GRM4: variants seen among roughly 807,000 people sequenced by gnomAD.
GRM4 encodes metabotropic glutamate receptor 4.
In GRM4, 28 loss-of-function variants were observed where a neutral mutation model predicts 81.7. The observed-to-expected ratio is 0.34, with a 90% CI of 0.25 to 0.47. The LOEUF (loss-of-function observed/expected upper bound fraction) is 0.47, where lower values mean the gene tolerates loss of function less well. Ranked by LOEUF, GRM4 falls within the 20% of genes least tolerant of loss-of-function variation. The probability of loss-of-function intolerance (pLI) is 1.00; values close to 1 mark genes in which losing one functional copy is unlikely to be tolerated. For missense variants in GRM4, 948 were observed against 1,290.0 expected (o/e 0.73, Z 4.06); for synonymous variants, 488 against 528.8 (o/e 0.92, Z 1.06).
chr6:34,036,982 G>A lies in GRM4; in HGVS notation c.1507-379C>T, dbSNP rs1311720717. 6.6e-6 allele frequency among the ~76,000 whole-genome samples: 1 copy of A among 152,160 alleles called. No homozygotes were observed. The highest frequency in any genetic ancestry group is 1.5e-5 in the Non-Finnish European group (1 of 68,026). On this transcript the variant is annotated intron_variant, in intron 8 of 10. Coordinates refer to ENST00000538487, the MANE Select transcript of GRM4 (RefSeq NM_000841.4). The surrounding 1 kb of genome is among the most constrained non-coding windows in gnomAD (Gnocchi z 9.0). ...CCTTGCTGCTCACAGTGGTCCCCAG[G>A]GCGGCAGCAGCAGCCTCACCCAGGA...
At position 34,086,536 on chromosome 6, in the gene GRM4, A is replaced by G. The variant is rs144897772; in HGVS notation, c.736+5347T>C. Among the ~76,000 whole-genome samples, 820 of 152,316 alleles carry G rather than the reference A, an allele frequency of 5.4e-3. 5 individuals are homozygous for G. The highest frequency in any genetic ancestry group is 0.019 in the African/African-American group (782 of 41,566). The stretch of plus-strand genomic sequence containing the variant: ...CCTTCCTGCCACACTCAGAGAGGCC[A>G]TCTTGTTTCCACCCTTAAGGCACAG... On this transcript the variant is annotated intron_variant, in intron 3 of 10. Coordinates refer to ENST00000538487, the MANE Select transcript of GRM4 (RefSeq NM_000841.4).
upstream of GRM4, among the ~76,000 whole-genome samples, chr6:34,150,984 G>T (rs1005110486): frequency 6.6e-6 from 1 of 152,206 alleles, no homozygotes; most frequent in Non-Finnish European, 1.5e-5. Context: ...AGCAGAGGAC[G>T]CAGGCACAGG....
At chr6:34,095,190 T>C (rs1581689298) in intron 2 of GRM4, among the ~76,000 whole-genome samples, 1 of 152,106 alleles carries the variant, frequency 6.6e-6, no homozygotes, top group East Asian at 1.9e-4. Flanking sequence ...CCCCCAATAA[T>C]TCCTGAGACA....
intron 2 of GRM4, among the ~76,000 whole-genome samples, chr6:34,094,467 G>T (rs1330699656): frequency 2.0e-5 from 3 of 152,200 alleles, no homozygotes; most frequent in Non-Finnish European, 4.4e-5. Flanking sequence ...TCTAAAATGT[G>T]AGCTCGGATT....
At chr6:34,049,650 C>A (rs1325545989) in intron 6 of GRM4, among the ~76,000 whole-genome samples, 8 of 152,146 alleles carry the variant, frequency 5.3e-5, no homozygotes, top group Non-Finnish European at 1.2e-4. Context: ...GCCTGCTCCT[C>A]CTCCCGCCCA....
At chr6:34,106,484 A>T (rs913690326) in intron 2 of GRM4, among the ~76,000 whole-genome samples, 3 of 151,162 alleles carry the variant, frequency 2.0e-5, no homozygotes, top group African/African-American at 4.9e-5. Context: ...ACAGCTTTCA[A>T]TGGCTCCCAA....
chr6:34,039,838 C>T (rs1764911509), intron 8 of GRM4, among the ~76,000 whole-genome samples: 1 of 151,458 alleles, frequency 6.6e-6, no homozygotes, highest in Non-Finnish European at 1.5e-5. Flanking sequence ...CCCCACTTGC[C>T]CACCCAAAAA....
rs751124071 is a variant in GRM4 at position 34,133,248 on chromosome 6, C to G, written c.249G>C (p.Leu83=). The G allele has an allele frequency of 1.2e-6, 2 of 1,614,100 alleles. No homozygotes were observed. The highest frequency in any genetic ancestry group is 1.7e-6 in the Non-Finnish European group (2 of 1,180,040). ...EKGIHRLEAM[L]FALDRINNDP... The stretch of plus-strand genomic sequence containing the variant: ...CGTTGTTGATGCGATCCAGGGCGAA[C>G]AGCATGGCCTCCAGCCGGTGGATGC... Residue 83 remains leucine, a synonymous_variant, in exon 2 of 11, where the codon CTG becomes CTC. Coordinates refer to ENST00000538487, the MANE Select transcript of GRM4 (RefSeq NM_000841.4). The surrounding 1 kb of genome is among the most constrained non-coding windows in gnomAD (Gnocchi z 6.5).
intron 2 of GRM4, among the ~76,000 whole-genome samples, chr6:34,098,539 C>T (rs1446228768): frequency 1.3e-5 from 2 of 152,254 alleles, no homozygotes; most frequent in Non-Finnish European, 2.9e-5. Flanking sequence ...AAGATCCCCA[C>T]CTGCCTGGCG....
At chr6:34,122,738 G>A (rs1480750707) in intron 2 of GRM4, among the ~76,000 whole-genome samples, 1 of 151,936 alleles carries the variant, frequency 6.6e-6, no homozygotes, top group Non-Finnish European at 1.5e-5. Flanking sequence ...TTGTCTGTCT[G>A]TCTGTCTGTC....
At chr6:34,134,357 C>T (rs954904091) in intron 1 of GRM4, among the ~76,000 whole-genome samples, 1 of 152,200 alleles carries the variant, frequency 6.6e-6, no homozygotes, top group Non-Finnish European at 1.5e-5. Context: ...TTCCTGCTGT[C>T]AGCTCTGGAA....
At chr6:34,154,700 G>T (rs2127522382) in intron 1 of GRM4, among the ~76,000 whole-genome samples, 1 of 152,250 alleles carries the variant, frequency 6.6e-6, no homozygotes, top group South Asian at 2.1e-4. Flanking sequence ...AGACAGACAC[G>T]TGGGGGGGAG....
intron 1 of GRM4, among the ~76,000 whole-genome samples, chr6:34,135,282 C>T (rs536516954): frequency 9.3e-4 from 141 of 152,334 alleles, no homozygotes; most frequent in Admixed American, 2.0e-3. Flanking sequence ...AGAGTCCAGC[C>T]TCAGCTCCTG....
intron 1 of GRM4, among the ~76,000 whole-genome samples, chr6:34,154,846 G>A (rs960423334): frequency 6.6e-6 from 1 of 152,212 alleles, no homozygotes; most frequent in Non-Finnish European, 1.5e-5. Flanking sequence ...TGAGAAGAAC[G>A]TGAGGAGCCT....
chr6:34,120,540 T>C (rs1350531968), intron 2 of GRM4, among the ~76,000 whole-genome samples: 3 of 152,182 alleles, frequency 2.0e-5, no homozygotes, highest in African/African-American at 7.2e-5. Context: ...GCACTTAACA[T>C]TTCCTCGCAC....
intron 10 of GRM4, chr6:34,024,081 T>C (rs1021545510): frequency 6.6e-6 from 1 of 152,424 alleles, no homozygotes; most frequent in Non-Finnish European, 1.5e-5. Context: ...GCCAGGGGCA[T>C]CTGGAGAAGA....
At position 34,045,108 on chromosome 6, in the gene GRM4, C is replaced by T. The variant is rs574864606; in HGVS notation, c.1169-4360G>A. ...TTCCCTTGTGCCCCACAGGAAACAA[C>T]GACAGGACCTAGGTGACTCCCCTGG... is the stretch of plus-strand genomic sequence containing the variant. On this transcript the variant is annotated intron_variant, in intron 6 of 10. Coordinates refer to ENST00000538487, the MANE Select transcript of GRM4 (RefSeq NM_000841.4). 5.9e-5 allele frequency among the ~76,000 whole-genome samples: 9 copies of T among 152,338 alleles called. No homozygotes were observed. In the East Asian group the frequency reaches 7.7e-4, roughly 13 times the overall value.
chr6:34,026,679 G>A (rs889417617), intron 10 of GRM4, among the ~76,000 whole-genome samples: 1 of 152,138 alleles, frequency 6.6e-6, no homozygotes, highest in Non-Finnish European at 1.5e-5. Flanking sequence ...CTGGAGCAGA[G>A]GCAGAGGGCA....
intron 2 of GRM4, among the ~76,000 whole-genome samples, chr6:34,093,829 C>T (rs1025472523): frequency 2.6e-5 from 4 of 152,228 alleles, no homozygotes; most frequent in Non-Finnish European, 4.4e-5. Flanking sequence ...GAGACCTTCA[C>T]GGGTGAGGAT....
Sources: gnomAD v4.1 joint callset for allele counts (sites outside exome capture counted in the v4.1 genomes callset) on GRCh38, gnomAD v4.1.1 for gene constraint, Gnocchi (gnomAD v3.1) non-coding constraint, MANE v1.5 for transcripts, NCBI Gene and HGNC (gene_info 2026-07-23, HGNC 2026-07-21) for gene names.